The following PCDHAC1 variants were observed in gnomAD, a reference collection of about 807,000 sequenced individuals.
PCDHAC1 encodes the protein protocadherin alpha-C1.
PCDHAC1 carries 42 observed loss-of-function variants against 60.0 expected under a neutral mutation model. The ratio of observed to expected loss-of-function variants is 0.70; its 90% CI spans 0.55 to 0.90. The LOEUF (loss-of-function observed/expected upper bound fraction) is 0.90. Among genes scored for constraint, PCDHAC1 ranks in the 40% least tolerant of loss-of-function variants. PCDHAC1 has a pLI of 0.00. For synonymous variants in PCDHAC1, 468 were observed against 499.3 expected, an observed-to-expected ratio of 0.94 and a Z score of 0.84; for missense variants, 1,160 against 1,222.3, an observed-to-expected ratio of 0.95 and a Z score of 0.76.
In PCDHAC1 at chr5:141,010,032, T is replaced by C. The variant is rs529237892; in HGVS notation, c.*95T>C. 6.3e-7 allele frequency: 1 copy of C among 1,582,368 alleles called. No individual in the cohort carries two copies. Among genetic ancestry groups the C allele is most frequent in the African/African-American group, 1.4e-5 (1 of 73,468 alleles). On this transcript the variant is annotated 3_prime_UTR_variant, in exon 4 of 4. Transcript: ENST00000253807. ...TCCCTGCTCCTTTTTCCTATCTACA[T>C]GAGCCCTCTTAGAGACCTCAGAAAT...
chr5:140,929,697 T>G (rs2086305900), intron 1 of PCDHAC1: 1 of 266,272 alleles, frequency 3.8e-6, no homozygotes, highest in African/African-American at 2.2e-5. Flanking sequence ...CTGCTTTATA[T>G]GAATATAATA....
chr5:140,941,214 C>CTTCTTTCTTT (rs1554214039), intron 1 of PCDHAC1, among the ~76,000 whole-genome samples: 1 of 122,414 alleles, frequency 8.2e-6, no homozygotes, highest in Admixed American at 8.5e-5. Context: ...TTTCTTTCTT[C>CTTCTTTCTTT]CTTTCTTTCT....
Position 140,927,906 on chromosome 5 carries a change from C to G in PCDHAC1, c.1014C>G (p.Pro338=), listed in dbSNP as rs116016831. The G allele has an allele frequency of 6.2e-7, 1 of 1,614,180 alleles. No homozygotes were observed. Among genetic ancestry groups the G allele is most frequent in the Non-Finnish European group, 8.5e-7 (1 of 1,180,030 alleles). ...VEVTDVNDHA[P]ELDFLTLSNP... is the part of the protein sequence containing the mutation. ...TGACTGACGTGAACGATCATGCCCC[C>G]GAACTGGACTTCCTGACTCTTTCGA... is the stretch of plus-strand genomic sequence containing the variant. Residue 338 remains proline, a synonymous_variant, in exon 1 of 4, where the codon CCC becomes CCG. Coordinates refer to ENST00000253807, the MANE Select transcript of PCDHAC1 (RefSeq NM_018898.5).
At chr5:140,977,301 G>T (rs1478869150) in intron 1 of PCDHAC1, among the ~76,000 whole-genome samples, 1 of 152,208 alleles carries the variant, frequency 6.6e-6, no homozygotes, top group Non-Finnish European at 1.5e-5. Context: ...CAGCTGACAA[G>T]CTAACGATAG....
chr5:140,938,765 AC>A (rs1309568560), intron 1 of PCDHAC1, among the ~76,000 whole-genome samples: 1 of 152,182 alleles, frequency 6.6e-6, no homozygotes, highest in Non-Finnish European at 1.5e-5. Context: ...GTTATTGGGT[AC>A]TAGACTTAGT....
chr5:140,929,189 A>C lies in PCDHAC1; in HGVS notation c.2297A>C (p.Asn766Thr), dbSNP rs782622519. Residue 766 changes from asparagine to threonine, a missense_variant, in exon 1 of 4, where the codon AAT becomes ACT. By Grantham distance (65) the Asn-to-Thr change is moderately conservative (BLOSUM62 0). Around this residue, in one of 3 missense-constraint regions of PCDHAC1, gnomAD observed 1,113 missense variants for 1,163.7 expected, o/e 0.96. Transcript: ENST00000253807. ...YRASLGLGSD[N>T]NSLLLRGEYN... is the part of the protein sequence containing the mutation. ...GCCTCTCTGGGACTTGGTTCTGATAATAACAGTTTGCTGTTGCGTGGGGAG... is the reference window on the plus strand; with the variant it reads ...GCCTCTCTGGGACTTGGTTCTGATACTAACAGTTTGCTGTTGCGTGGGGAG... The C allele has an allele frequency of 3.1e-6, 5 of 1,614,180 alleles. No individual in the cohort carries two copies. The highest frequency in any genetic ancestry group is 3.4e-6 in the Non-Finnish European group (4 of 1,180,034).
intron 1 of PCDHAC1, among the ~76,000 whole-genome samples, chr5:140,959,927 C>A (rs1554224406): frequency 6.6e-6 from 1 of 152,038 alleles, no homozygotes; most frequent in African/African-American, 2.4e-5. Flanking sequence ...TTGTAAAGCC[C>A]CATTACTTAG....
At chr5:140,972,296 T>C (rs1303430452) in intron 1 of PCDHAC1, among the ~76,000 whole-genome samples, 2 of 151,468 alleles carry the variant, frequency 1.3e-5, no homozygotes, top group Non-Finnish European at 2.9e-5. Flanking sequence ...TGCGCCACCG[T>C]GTCTGACTAG....
At chr5:140,972,276 A>G (rs1471308188) in intron 1 of PCDHAC1, among the ~76,000 whole-genome samples, 1 of 150,442 alleles carries the variant, frequency 6.6e-6, no homozygotes, top group Non-Finnish European at 1.5e-5. Flanking sequence ...AGTAGCTTGG[A>G]CCATAGATGT....
chr5:140,937,039 C>CTTTTT, intron 1 of PCDHAC1, among the ~76,000 whole-genome samples: 1 of 140,166 alleles, frequency 7.1e-6, no homozygotes, highest in Non-Finnish European at 1.5e-5. Flanking sequence ...TTCCATTTAT[C>CTTTTT]TTTTTTTTTT....
At chr5:140,967,219 C>G in intron 1 of PCDHAC1, 1 of 1,613,772 alleles carries the variant, frequency 6.2e-7, no homozygotes, top group Non-Finnish European at 8.5e-7. Flanking sequence ...TCCCGCGGCC[C>G]AACTACCAGC....
Position 140,928,656 on chromosome 5 carries a change from T to C in PCDHAC1, c.1764T>C (p.Ala588=). Reference sequence around the variant, plus strand: ...TCACAAAAGTGGTAGCAGAGGATGCTGACAGTGGTTCTAATGCCTGGCTTT... The same window carrying C: ...TCACAAAAGTGGTAGCAGAGGATGCCGACAGTGGTTCTAATGCCTGGCTTT... ...HLVTKVVAED[A]DSGSNAWLSY... is the part of the protein sequence containing the mutation. The change falls in exon 1 of 4, where the codon GCT becomes GCC. Residue 588 remains alanine (A), a synonymous_variant. Coordinates refer to ENST00000253807, the MANE Select transcript of PCDHAC1 (RefSeq NM_018898.5). The C allele has an allele frequency of 6.2e-7, 1 of 1,614,232 alleles. No homozygotes were observed. Among genetic ancestry groups the C allele is most frequent in the Middle Eastern group, 1.6e-4 (1 of 6,062 alleles).
At chr5:140,951,767 G>A (rs561938687) in intron 1 of PCDHAC1, among the ~76,000 whole-genome samples, 2 of 152,160 alleles carry the variant, frequency 1.3e-5, no homozygotes, top group South Asian at 2.1e-4. Context: ...ATCTCATGAC[G>A]TTCTTACATT....
intron 1 of PCDHAC1, among the ~76,000 whole-genome samples, chr5:140,941,906 GC>G: frequency 6.6e-6 from 1 of 152,248 alleles, no homozygotes; most frequent in South Asian, 2.1e-4. Context: ...ACATTGAAAT[GC>G]TTTTATGTAT....
rs782418145 is a variant in PCDHAC1, at chr5:140,927,641, CTG to C, written c.753_754del (p.Leu252IlefsTer10). 23 of 1,614,074 alleles carry C rather than the reference CTG, an allele frequency of 1.4e-5. No individual in the cohort carries two copies. Among genetic ancestry groups the C allele is most frequent in the Non-Finnish European group, 1.4e-5 (17 of 1,180,034 alleles). On this transcript the variant is annotated frameshift_variant, in exon 1 of 4. Transcript: ENST00000253807. LOFTEE classifies it high-confidence loss of function. ...GTTCCAGAGACTGCACCCAATGGGACTGTGTTATTCCGAGTTCAAGCCTTGGA... is the reference window on the plus strand; with the variant it reads ...GTTCCAGAGACTGCACCCAATGGGACTGTTATTCCGAGTTCAAGCCTTGGA...
intron 1 of PCDHAC1, among the ~76,000 whole-genome samples, chr5:140,970,591 T>G (rs1159349152): frequency 2.6e-5 from 4 of 152,150 alleles, no homozygotes; most frequent in African/African-American, 9.7e-5. Flanking sequence ...GAGATATGCT[T>G]TGTGATACTT....
chr5:140,978,898 G>A (rs2096827765), intron 1 of PCDHAC1, 51 bp from the exon 2 acceptor site: 1 of 1,612,868 alleles, frequency 6.2e-7, no homozygotes. Flanking sequence ...GCATTCCTGG[G>A]AGAACATTGT....
chr5:140,970,847 C>A (rs2096437224), intron 1 of PCDHAC1, among the ~76,000 whole-genome samples: 1 of 149,802 alleles, frequency 6.7e-6, no homozygotes, highest in Non-Finnish European at 1.5e-5. Context: ...TGCACAGGCA[C>A]AAAAGTTCCA....
intron 1 of PCDHAC1, among the ~76,000 whole-genome samples, chr5:140,962,845 C>G (rs2095712902): frequency 6.6e-6 from 1 of 152,172 alleles, no homozygotes; most frequent in African/African-American, 2.4e-5. Flanking sequence ...TATTATATAA[C>G]TTGTGCTCGG....
Sources: allele counts gnomAD v4.1 joint callset (sites outside exome capture counted in the v4.1 genomes callset), GRCh38; gene constraint gnomAD v4.1.1; regional missense constraint gnomAD v4.1.1; transcripts MANE v1.5; gene names NCBI Gene and HGNC (gene_info 2026-07-23, HGNC 2026-07-21).